Variants in OXR1 observed in about 807,000 individuals in gnomAD.
The protein encoded by OXR1 is oxidation resistance 1.
Under a neutral mutation model 104.6 loss-of-function variants are expected in OXR1, and 41 were observed. The observed-to-expected ratio is 0.39, with a 90% CI of 0.31 to 0.51. The LOEUF (loss-of-function observed/expected upper bound fraction) is 0.51. Ranked by LOEUF, OXR1 falls within the 20% of genes least tolerant of loss-of-function variation. OXR1 has a pLI of 0.77. For synonymous variants in OXR1, 348 were observed against 348.4 expected (o/e 1.00, Z 0.01); for missense variants, 955 against 1,031.9 (o/e 0.93, Z 1.02).
chr8:106,598,379 C>T (rs1563632976), intron 3 of OXR1, among the ~76,000 whole-genome samples: 1 of 152,130 alleles, frequency 6.6e-6, no homozygotes, highest in Non-Finnish European at 1.5e-5. Flanking sequence ...CTTATCACAG[C>T]TCTATCACTA....
At chr8:106,574,844 T>A (rs183744622) in intron 3 of OXR1, among the ~76,000 whole-genome samples, 4 of 152,348 alleles carry the variant, frequency 2.6e-5, no homozygotes, top group African/African-American at 9.6e-5. Flanking sequence ...TCTTTACTTC[T>A]GATGTTTTTG....
chr8:106,434,228 C>A (rs1819481456), intron 2 of OXR1, among the ~76,000 whole-genome samples: 1 of 152,068 alleles, frequency 6.6e-6, no homozygotes, highest in African/African-American at 2.4e-5. Flanking sequence ...GCATGTATAG[C>A]AGTAAGATCA....
chr8:106,691,339 A>G (rs1385299363), intron 6 of OXR1, among the ~76,000 whole-genome samples: 3 of 151,992 alleles, frequency 2.0e-5, no homozygotes, highest in Non-Finnish European at 4.4e-5. Context: ...CCATCTACAT[A>G]GAGATACTAA....
chr8:106,626,073 A>G (rs1019322449), intron 3 of OXR1, among the ~76,000 whole-genome samples: 5 of 139,230 alleles, frequency 3.6e-5, no homozygotes, highest in East Asian at 4.2e-4. Context: ...TGTGTGTCTT[A>G]TAGCATAAGT....
intron 2 of OXR1, among the ~76,000 whole-genome samples, chr8:106,374,725 CAG>C (rs1368779275): frequency 6.6e-6 from 1 of 152,166 alleles, no homozygotes; most frequent in African/African-American, 2.4e-5. Context: ...GCAGCAGCAA[CAG>C]AGACAGAATA....
Position 106,692,893 on chromosome 8 carries a change from T to G in OXR1, c.675+16T>G. 2 of 1,559,312 alleles carry G rather than the reference T, an allele frequency of 1.3e-6. No homozygotes were observed. The highest frequency in any genetic ancestry group is 1.8e-6 in the Non-Finnish European group (2 of 1,142,302). On this transcript the variant is annotated intron_variant, in intron 7 of 16. Coordinates refer to ENST00000517566, the MANE Select transcript of OXR1 (RefSeq NM_001198533.2). ...CAGTGGCAAGGTAAAGAATGACACT[T>G]TAGAGAAGACCTTTAATCATGCTTT...
At chr8:106,425,391 T>A (rs1332950257) in intron 2 of OXR1, among the ~76,000 whole-genome samples, 1 of 152,144 alleles carries the variant, frequency 6.6e-6, no homozygotes, top group Non-Finnish European at 1.5e-5. Flanking sequence ...ACAGATTATT[T>A]AGTTTTTAAT....
In OXR1 at chr8:106,288,196, T is replaced by C. The variant is rs568122248; in HGVS notation, c.-139+17829T>C. 3.9e-5 allele frequency among the ~76,000 whole-genome samples: 6 copies of C among 151,954 alleles called. No individual in the cohort carries two copies. In the South Asian group the frequency reaches 6.2e-4, roughly 16 times the overall value. ...CTGGCAGGTGAAGTGTATTGGAAGGTGTGGGAGCCTCCTTAAATTTTGTGA... is the reference window on the plus strand; with the variant it reads ...CTGGCAGGTGAAGTGTATTGGAAGGCGTGGGAGCCTCCTTAAATTTTGTGA... On this transcript the variant is annotated intron_variant, in intron 1 of 16. Transcript: ENST00000517566.
At chr8:106,738,399 A>C (rs1273739625) in intron 12 of OXR1, among the ~76,000 whole-genome samples, 2 of 152,076 alleles carry the variant, frequency 1.3e-5, no homozygotes, top group Non-Finnish European at 2.9e-5. Context: ...CTTGTCAAAA[A>C]ACAATACACT....
intron 3 of OXR1, among the ~76,000 whole-genome samples, chr8:106,569,583 C>T (rs1411362728): frequency 6.6e-6 from 1 of 152,186 alleles, no homozygotes; most frequent in Non-Finnish European, 1.5e-5. Flanking sequence ...GATCCTATAA[C>T]CCAGCGAAGA....
intron 11 of OXR1, among the ~76,000 whole-genome samples, chr8:106,717,490 A>G (rs1286281497): frequency 6.6e-6 from 1 of 152,200 alleles, no homozygotes; most frequent in Non-Finnish European, 1.5e-5. Context: ...GATACTTAAA[A>G]AAGATCTTTA....
chr8:106,618,952 A>T (rs190607173), intron 3 of OXR1, among the ~76,000 whole-genome samples: 5 of 152,030 alleles, frequency 3.3e-5, no homozygotes, highest in South Asian at 2.1e-4. Flanking sequence ...ATCGACCTGT[A>T]CTTTTAAATG....
intron 2 of OXR1, among the ~76,000 whole-genome samples, chr8:106,433,372 T>G (rs1199175043): frequency 6.6e-6 from 1 of 152,190 alleles, no homozygotes; most frequent in African/African-American, 2.4e-5. Flanking sequence ...TTAGTGATGT[T>G]ACCCCCAGGA....
intron 2 of OXR1, among the ~76,000 whole-genome samples, chr8:106,514,042 T>C (rs1812707448): frequency 6.6e-6 from 1 of 152,136 alleles, no homozygotes; most frequent in Admixed American, 6.5e-5. Context: ...AGATGTCTTC[T>C]TTTCCTTATT....
chr8:106,690,856 C>A (rs1829205280), intron 6 of OXR1, among the ~76,000 whole-genome samples: 1 of 151,804 alleles, frequency 6.6e-6, no homozygotes, highest in Non-Finnish European at 1.5e-5. Flanking sequence ...GAAGTAAATA[C>A]AAATGTTGGT....
At chr8:106,272,100 A>G (rs1811844169) in intron 1 of OXR1, 1 of 152,190 alleles carries the variant, frequency 6.6e-6, no homozygotes, top group Non-Finnish European at 1.5e-5. Flanking sequence ...AAATATAGCG[A>G]AAAAAGAAAA....
chr8:106,698,970 A>C (rs1830334451), intron 7 of OXR1, among the ~76,000 whole-genome samples: 1 of 152,028 alleles, frequency 6.6e-6, no homozygotes, highest in South Asian at 2.1e-4. Context: ...TTGTATTCCT[A>C]CATATATTCT....
intron 2 of OXR1, among the ~76,000 whole-genome samples, chr8:106,462,501 C>T (rs756042538): frequency 1.3e-5 from 2 of 152,102 alleles, no homozygotes; most frequent in Admixed American, 6.6e-5. Context: ...AACACAAGAC[C>T]TTGGATAAGC....
chr8:106,345,432 T>A (rs994780761), intron 1 of OXR1, among the ~76,000 whole-genome samples: 4 of 152,242 alleles, frequency 2.6e-5, no homozygotes, highest in African/African-American at 9.6e-5. Flanking sequence ...ATATTTACTG[T>A]CACATTTTGC....
Sources: gnomAD v4.1 joint callset for allele counts (sites outside exome capture counted in the v4.1 genomes callset) on GRCh38, gnomAD v4.1.1 for gene constraint, MANE v1.5 for transcripts, NCBI Gene and HGNC (gene_info 2026-07-23, HGNC 2026-07-21) for gene names.